KCNN2: variants seen among roughly 807,000 people sequenced by gnomAD.
KCNN2 encodes small conductance calcium-activated potassium channel protein 2.
KCNN2 carries 24 observed loss-of-function variants against 55.5 expected under a neutral mutation model. That is an observed-to-expected ratio of 0.43 (90% CI 0.31 to 0.61). KCNN2 has a LOEUF of 0.61. KCNN2 is among the 20% of genes least tolerant of loss of function. The pLI is 0.08. For synonymous variants in KCNN2, 431 were observed against 336.1 expected, an observed-to-expected ratio of 1.28 and a Z score of -3.09; for missense variants, 754 against 853.6, an observed-to-expected ratio of 0.88 and a Z score of 1.45.
chr5:114,436,417 A>C lies in KCNN2; in HGVS notation c.1638-26632A>C, dbSNP rs182185845. Among the ~76,000 whole-genome samples the C allele has an allele frequency of 1.2e-3, 178 of 152,284 alleles. 1 individual carries two copies. The highest frequency in any genetic ancestry group is 7.3e-3 in the East Asian group (38 of 5,184). On this transcript the variant is annotated intron_variant, in intron 3 of 7. Coordinates refer to ENST00000673685, the MANE Select transcript of KCNN2 (RefSeq NM_021614.4). ...CTTATGGAATCATTAAATGATCGTA[A>C]AATTAGAGCAACAAATGCCTCAGAT...
At chr5:114,468,537 G>A (rs1421298269) in intron 4 of KCNN2, among the ~76,000 whole-genome samples, 1 of 151,978 alleles carries the variant, frequency 6.6e-6, no homozygotes, top group Non-Finnish European at 1.5e-5. Context: ...TTAATTATAG[G>A]CTAATAGTCT....
chr5:114,442,771 A>G (rs1465317526), intron 3 of KCNN2, among the ~76,000 whole-genome samples: 2 of 152,148 alleles, frequency 1.3e-5, no homozygotes, highest in Non-Finnish European at 1.5e-5. Context: ...GGGATGGAAA[A>G]TACTGTGGTG....
intron 2 of KCNN2, among the ~76,000 whole-genome samples, chr5:114,229,032 T>C (rs576396249): frequency 2.4e-4 from 36 of 152,132 alleles, no homozygotes; most frequent in African/African-American, 8.4e-4. Flanking sequence ...TTTAAATAAT[T>C]GTGTTGATTA....
chr5:114,494,861 C>A (rs917635532), intron 7 of KCNN2, among the ~76,000 whole-genome samples: 7 of 152,098 alleles, frequency 4.6e-5, no homozygotes, highest in Admixed American at 3.9e-4. Context: ...TAATAACTCC[C>A]TTATCAGTTC....
At chr5:114,325,212 A>C (rs1043111530) in intron 2 of KCNN2, among the ~76,000 whole-genome samples, 1 of 152,192 alleles carries the variant, frequency 6.6e-6, no homozygotes, top group Non-Finnish European at 1.5e-5. Context: ...AGAAAGGAAG[A>C]GGAATCAGGA....
At chr5:114,224,661 A>C (rs2112596451) in intron 2 of KCNN2, among the ~76,000 whole-genome samples, 1 of 152,360 alleles carries the variant, frequency 6.6e-6, no homozygotes, top group East Asian at 1.9e-4. Context: ...AATTCAAGGC[A>C]GGTGAGGTTT....
intron 1 of KCNN2, among the ~76,000 whole-genome samples, chr5:114,099,172 A>G (rs1751325161): frequency 6.6e-6 from 1 of 152,174 alleles, no homozygotes; most frequent in South Asian, 2.1e-4. Flanking sequence ...CACACCACAT[A>G]GGCAGCCAGG....
intron 2 of KCNN2, among the ~76,000 whole-genome samples, chr5:114,269,865 G>A (rs1047557266): frequency 1.3e-5 from 2 of 152,174 alleles, no homozygotes; most frequent in African/African-American, 2.4e-5. Context: ...AGGAATGTCT[G>A]CATATTAATT....
At chr5:114,377,572 T>A (rs1757982611) in intron 2 of KCNN2, among the ~76,000 whole-genome samples, 1 of 152,118 alleles carries the variant, frequency 6.6e-6, no homozygotes, top group Non-Finnish European at 1.5e-5. Context: ...GCACAGAGTG[T>A]AGACCCCAAG....
chr5:114,469,016 A>G (rs953505237), intron 4 of KCNN2, among the ~76,000 whole-genome samples: 1 of 152,204 alleles, frequency 6.6e-6, no homozygotes, highest in East Asian at 1.9e-4. Flanking sequence ...AGGGCTCAAC[A>G]TGGCTTACAG....
At chr5:114,074,205 G>GAGTAGGTA (rs1301495546) in intron 1 of KCNN2, among the ~76,000 whole-genome samples, 2 of 152,122 alleles carry the variant, frequency 1.3e-5, no homozygotes, top group African/African-American at 4.8e-5. Context: ...TCTATCTTGA[G>GAGTAGGTA]AGTAGGTATG....
At chr5:114,276,100 C>G (rs1318246809) in intron 2 of KCNN2, among the ~76,000 whole-genome samples, 2 of 152,166 alleles carry the variant, frequency 1.3e-5, no homozygotes, top group African/African-American at 4.8e-5. Context: ...AGTAGTCACT[C>G]AGGAGCAGGT....
intron 1 of KCNN2, among the ~76,000 whole-genome samples, chr5:114,145,847 C>T (rs765743434): frequency 7.2e-5 from 11 of 152,056 alleles, no homozygotes; most frequent in Non-Finnish European, 1.2e-4. Context: ...GGACCTGGAC[C>T]GCTGGAGACG....
chr5:114,180,909 T>G (rs1390622814), intron 1 of KCNN2, among the ~76,000 whole-genome samples: 2 of 152,214 alleles, frequency 1.3e-5, no homozygotes, highest in Non-Finnish European at 2.9e-5. Context: ...GTATAATGCT[T>G]CTTTCATTCA....
intron 2 of KCNN2, among the ~76,000 whole-genome samples, chr5:114,315,167 T>C (rs560341278): frequency 1.3e-5 from 2 of 152,290 alleles, no homozygotes; most frequent in South Asian, 4.1e-4. Flanking sequence ...TCCATTCTTC[T>C]GTTCTTCTGT....
intron 1 of KCNN2, among the ~76,000 whole-genome samples, chr5:114,217,209 T>G (rs934371558): frequency 2.0e-5 from 3 of 152,076 alleles, no homozygotes; most frequent in African/African-American, 7.2e-5. Flanking sequence ...GCAATCCCAA[T>G]TAAAATCCTA....
At chr5:114,377,769 A>G (rs1757987791) in intron 2 of KCNN2, among the ~76,000 whole-genome samples, 1 of 152,106 alleles carries the variant, frequency 6.6e-6, no homozygotes, top group Admixed American at 6.5e-5. Context: ...TCATTTTTTC[A>G]TCTGTAAAAT....
At chr5:114,144,518 T>C (rs937685474) in intron 1 of KCNN2, among the ~76,000 whole-genome samples, 2 of 152,108 alleles carry the variant, frequency 1.3e-5, no homozygotes, top group Admixed American at 6.6e-5. Flanking sequence ...TTGTAGAATA[T>C]TGTTAATAAC....
At chr5:114,288,301 T>C (rs1755798692) in intron 2 of KCNN2, among the ~76,000 whole-genome samples, 1 of 152,212 alleles carries the variant, frequency 6.6e-6, no homozygotes, top group Non-Finnish European at 1.5e-5. Flanking sequence ...AGTGTTTACA[T>C]GTAATTGTTT....
Sources: gnomAD v4.1 joint callset for allele counts (sites outside exome capture counted in the v4.1 genomes callset) on GRCh38, gnomAD v4.1.1 for gene constraint, MANE v1.5 for transcripts, NCBI Gene and HGNC (gene_info 2026-07-23, HGNC 2026-07-21) for gene names.